GALNT13: variants seen among roughly 807,000 people sequenced by gnomAD.
GALNT13 encodes the protein polypeptide N-acetylgalactosaminyltransferase 13, also known as UDP-GalNAc:polypeptide N-acetylgalactosaminyltransferase 13.
In GALNT13, 28 loss-of-function variants were observed where a neutral mutation model predicts 64.2. The observed-to-expected ratio is 0.44, with a 90% CI of 0.32 to 0.60. The LOEUF (loss-of-function observed/expected upper bound fraction) is 0.60, where lower values mean the gene tolerates loss of function less well. Among genes scored for constraint, GALNT13 ranks in the 20% least tolerant of loss-of-function variants. The pLI is 0.05. For synonymous variants in GALNT13, 214 were observed against 224.6 expected (o/e 0.95, Z 0.42); for missense variants, 577 against 669.8 (o/e 0.86, Z 1.53).
chr2:154,293,051 C>T (rs574713598), intron 8 of GALNT13, among the ~76,000 whole-genome samples: 1 of 152,136 alleles, frequency 6.6e-6, no homozygotes, highest in African/African-American at 2.4e-5. Context: ...AGAACAAAGA[C>T]AAGCTTTAAT....
chr2:153,522,248 G>A, the GALNT13 span, among the ~76,000 whole-genome samples: 2 of 151,890 alleles, frequency 1.3e-5, no homozygotes, highest in Admixed American at 6.6e-5. Flanking sequence ...TGGGAGAATC[G>A]TTTGAACCTG....
intron 9 of GALNT13, among the ~76,000 whole-genome samples, chr2:154,367,271 T>A (rs1697422474): frequency 6.6e-6 from 1 of 152,116 alleles, no homozygotes; most frequent in Admixed American, 6.6e-5. Flanking sequence ...CTTATCTATG[T>A]GGAAAAATGG....
chr2:153,748,817 T>C, the GALNT13 span, among the ~76,000 whole-genome samples: 4 of 152,038 alleles, frequency 2.6e-5, no homozygotes, highest in Non-Finnish European at 4.4e-5. Context: ...TTGCCTATGC[T>C]CATGAGGCAC....
intron 1 of GALNT13, among the ~76,000 whole-genome samples, chr2:153,888,491 T>C (rs1168116595): frequency 1.3e-5 from 2 of 152,010 alleles, no homozygotes; most frequent in African/African-American, 2.4e-5. Flanking sequence ...ATTAGAACTT[T>C]TGCCATGTGA....
At chr2:153,884,524 C>CTAT (rs1255825026) in intron 1 of GALNT13, among the ~76,000 whole-genome samples, 3 of 151,606 alleles carry the variant, frequency 2.0e-5, no homozygotes, top group Non-Finnish European at 4.4e-5. Flanking sequence ...CAATAATTCC[C>CTAT]TATAGTACTA....
chr2:153,797,494 A>G, the GALNT13 span, among the ~76,000 whole-genome samples: 1 of 152,168 alleles, frequency 6.6e-6, no homozygotes, highest in Non-Finnish European at 1.5e-5. Context: ...ACATTGGCTC[A>G]ACATGTTTAA....
rs1479152194 is a variant in GALNT13 at position 154,396,104 on chromosome 2, C to G, written c.1270C>G (p.Pro424Ala). The stretch of plus-strand genomic sequence containing the variant: ...AAACATCTATCCGGACTCCCAGATC[C>G]CAAGACGTTATTACTCACTTGGTGA... ...LENIYPDSQI[P>A]RRYYSLGEIR... The change falls in exon 10 of 13, where the codon CCA becomes GCA. Residue 424 changes from proline (P) to alanine (A), a missense_variant. Around this residue, in one of 3 missense-constraint regions of GALNT13, gnomAD observed 232 missense variants for 270.6 expected, o/e 0.86. Transcript: ENST00000392825. 1 of 1,605,976 alleles carries G rather than the reference C, an allele frequency of 6.2e-7. No homozygotes were observed. The highest frequency in any genetic ancestry group is 2.3e-5 in the East Asian group (1 of 44,336).
the GALNT13 span, among the ~76,000 whole-genome samples, chr2:153,410,831 A>C: frequency 6.6e-6 from 1 of 151,976 alleles, no homozygotes. Context: ...CTAGAGTTTG[A>C]AAAATATTTA....
the GALNT13 span, among the ~76,000 whole-genome samples, chr2:153,133,285 C>G: frequency 6.6e-6 from 1 of 152,014 alleles, no homozygotes; most frequent in Non-Finnish European, 1.5e-5. Flanking sequence ...CTTGACAGTG[C>G]TATGAGACAG....
the GALNT13 span, among the ~76,000 whole-genome samples, chr2:153,186,894 C>T: frequency 2.0e-5 from 3 of 152,152 alleles, no homozygotes; most frequent in Admixed American, 2.0e-4. Context: ...TGGCAGGTAA[C>T]ATTTTTTTCT....
the GALNT13 span, among the ~76,000 whole-genome samples, chr2:153,324,950 G>A: frequency 3.3e-5 from 5 of 151,894 alleles, no homozygotes; most frequent in East Asian, 1.9e-4. Context: ...TTCTTTTTTT[G>A]TTGTGTCTCC....
the GALNT13 span, among the ~76,000 whole-genome samples, chr2:153,585,801 C>A: frequency 1.3e-5 from 2 of 151,334 alleles, no homozygotes; most frequent in Non-Finnish European, 3.0e-5. Flanking sequence ...GAAAAAAAAA[C>A]AGGCAAGGAT....
chr2:153,478,061 T>G, the GALNT13 span: 2 of 610,826 alleles, frequency 3.3e-6, no homozygotes, highest in Non-Finnish European at 5.7e-6. Flanking sequence ...CTGCCAGGCA[T>G]GAGGACTTTC....
intron 3 of GALNT13, among the ~76,000 whole-genome samples, chr2:154,116,008 C>T (rs2105503618): frequency 6.6e-6 from 1 of 152,226 alleles, no homozygotes; most frequent in Middle Eastern, 3.4e-3. Flanking sequence ...TAGAGGCAAA[C>T]AGGTATTAGG....
At chr2:154,142,740 G>C (rs879257005) in intron 4 of GALNT13, among the ~76,000 whole-genome samples, 1 of 151,518 alleles carries the variant, frequency 6.6e-6, no homozygotes, top group African/African-American at 2.4e-5. Flanking sequence ...TTTGGCCCCT[G>C]GGGAATAGTT....
chr2:153,929,297 G>A (rs1690348595), intron 2 of GALNT13, among the ~76,000 whole-genome samples: 2 of 152,088 alleles, frequency 1.3e-5, no homozygotes, highest in Admixed American at 6.6e-5. Context: ...GCTATCCCCG[G>A]CCTTATCCCA....
the GALNT13 span, among the ~76,000 whole-genome samples, chr2:153,787,272 A>T: frequency 1.3e-5 from 2 of 152,116 alleles, no homozygotes; most frequent in African/African-American, 4.8e-5. Flanking sequence ...GCAAAAGCCT[A>T]CCAACTGACC....
intron 9 of GALNT13, among the ~76,000 whole-genome samples, chr2:154,339,923 T>G (rs1292523596): frequency 6.6e-6 from 1 of 152,122 alleles, no homozygotes; most frequent in Admixed American, 6.6e-5. Flanking sequence ...TACTGTCAGT[T>G]GCAATGCATG....
At chr2:153,715,637 C>A in the GALNT13 span, among the ~76,000 whole-genome samples, 1 of 152,242 alleles carries the variant, frequency 6.6e-6, no homozygotes, top group Non-Finnish European at 1.5e-5. Context: ...TTTCAAACAG[C>A]AAATGGCTGA....
Sources: allele counts gnomAD v4.1 joint callset (sites outside exome capture counted in the v4.1 genomes callset), GRCh38; gene constraint gnomAD v4.1.1; regional missense constraint gnomAD v4.1.1; transcripts MANE v1.5; gene names NCBI Gene and HGNC (gene_info 2026-07-23, HGNC 2026-07-21).